OLAH: variants seen among roughly 807,000 people sequenced by gnomAD.
OLAH encodes oleoyl-ACP hydrolase, also known as S-acyl fatty acid synthase thioesterase, medium chain.
A neutral mutation model predicts 27.8 loss-of-function variants in OLAH; 33 were observed. The observed-to-expected ratio is 1.19, with a 90% confidence interval of 0.90 to 1.59. The LOEUF is 1.59. Among genes scored for constraint, OLAH ranks in the 40% most tolerant of loss-of-function variants. OLAH has a pLI of 0.00. For missense variants in OLAH, 359 were observed against 310.8 expected, an observed-to-expected ratio of 1.16 and a Z score of -1.17; for synonymous variants, 120 against 102.9, an observed-to-expected ratio of 1.17 and a Z score of -1.01.
chr10:15,041,195 T>C (rs1843913275), upstream of OLAH, among the ~76,000 whole-genome samples: 1 of 152,218 alleles, frequency 6.6e-6, no homozygotes, highest in Non-Finnish European at 1.5e-5. Context: ...ATTATCCCAT[T>C]ATCACCAGCA....
intron 4 of OLAH, among the ~76,000 whole-genome samples, chr10:15,063,724 C>T (rs548808728): frequency 3.3e-5 from 5 of 152,212 alleles, no homozygotes; most frequent in Admixed American, 6.5e-5. Context: ...ATTTTAAAGA[C>T]GTTTATTAAC....
intron 5 of OLAH, among the ~76,000 whole-genome samples, chr10:15,064,721 G>C (rs560043754): frequency 2.0e-5 from 3 of 152,158 alleles, no homozygotes; most frequent in Admixed American, 6.5e-5. Flanking sequence ...GCAGTGGCAC[G>C]ATCTTGTCTC....
At chr10:15,051,473 T>C (rs892719208) in intron 3 of OLAH, among the ~76,000 whole-genome samples, 1 of 152,244 alleles carries the variant, frequency 6.6e-6, no homozygotes, top group Non-Finnish European at 1.5e-5. Context: ...CAGGTGAGTG[T>C]TCAGCTTTAA....
intron 6 of OLAH, among the ~76,000 whole-genome samples, chr10:15,070,773 G>A (rs967097829): frequency 7.0e-6 from 1 of 142,524 alleles, no homozygotes; most frequent in African/African-American, 2.6e-5. Context: ...AAGCCACCAC[G>A]CCTGAACTTT....
intron 1 of OLAH, among the ~76,000 whole-genome samples, chr10:15,034,198 C>A (rs919380499): frequency 4.0e-5 from 6 of 151,364 alleles, no homozygotes; most frequent in African/African-American, 1.2e-4. Context: ...ACTGCAACCT[C>A]CGCCTCCCAG....
At chr10:15,035,352 T>G (rs888183412) in intron 1 of OLAH, among the ~76,000 whole-genome samples, 2 of 152,172 alleles carry the variant, frequency 1.3e-5, no homozygotes, top group East Asian at 1.9e-4. Flanking sequence ...AGAGACTTAC[T>G]GGCTCCTGGT....
chr10:15,064,072 G>A (rs1844419056), intron 4 of OLAH, among the ~76,000 whole-genome samples: 1 of 152,040 alleles, frequency 6.6e-6, no homozygotes, highest in African/African-American at 2.4e-5. Flanking sequence ...AATTTCCAGG[G>A]GTCCCTAAAC....
rs1432609847 is a variant in OLAH at position 15,049,810 on chromosome 10, T to C, written c.163+45T>C. The C allele has an allele frequency of 1.9e-6, 3 of 1,553,656 alleles. No individual in the cohort carries two copies. In the Admixed American group the frequency reaches 6.3e-5, roughly 33 times the overall value. Reference sequence around the variant, plus strand: ...CATTTAAGCAATTTAAAAGGGCAGATGACATAAATGTATTAGAATTTGAAG... The same window carrying C: ...CATTTAAGCAATTTAAAAGGGCAGACGACATAAATGTATTAGAATTTGAAG... On this transcript the variant is annotated intron_variant, in intron 3 of 7. Coordinates refer to ENST00000378228, the MANE Select transcript of OLAH (RefSeq NM_001039702.3).
chr10:15,066,636 TATTTA>T (rs1844474250), intron 6 of OLAH, among the ~76,000 whole-genome samples: 1 of 80,438 alleles, frequency 1.2e-5, no homozygotes, highest in Non-Finnish European at 2.7e-5. Flanking sequence ...TTTATTTATT[TATTTA>T]TTTATTTATT....
chr10:15,071,880 G>T lies in OLAH; in HGVS notation c.655+3G>T, dbSNP rs1288553788. ...AGACATAGCAAAGGACATGGAAGGTGAAATTATTTTTAGTCTCGAGTATTG... is the reference window on the plus strand; with the variant it reads ...AGACATAGCAAAGGACATGGAAGGTTAAATTATTTTTAGTCTCGAGTATTG... On this transcript the variant is annotated splice_donor_region_variant and intron_variant, in intron 7 of 7. Transcript: ENST00000378228. The T allele has an allele frequency of 1.2e-6, 2 of 1,605,450 alleles. No individual in the cohort carries two copies. The highest frequency in any genetic ancestry group is 1.3e-5 in the African/African-American group (1 of 74,710).
At chr10:15,038,061 G>A (rs1843869042) in intron 1 of OLAH, among the ~76,000 whole-genome samples, 1 of 152,238 alleles carries the variant, frequency 6.6e-6, no homozygotes, top group African/African-American at 2.4e-5. Context: ...CCAGATGCAA[G>A]ACATGGAATC....
chr10:15,062,611 T>A (rs1003060776), intron 4 of OLAH, among the ~76,000 whole-genome samples: 8 of 151,118 alleles, frequency 5.3e-5, no homozygotes, highest in African/African-American at 1.5e-4. Flanking sequence ...AATATATTTA[T>A]ATTATTGCCA....
intron 5 of OLAH, 139 bp downstream of exon 5, chr10:15,064,641 A>C: frequency 1.8e-6 from 1 of 562,616 alleles, no homozygotes; most frequent in East Asian, 3.3e-5. Flanking sequence ...TTGGTGCAAA[A>C]GCCATTGAGG....
intron 4 of OLAH, among the ~76,000 whole-genome samples, chr10:15,063,631 G>A (rs1303497909): frequency 6.6e-6 from 1 of 152,110 alleles, no homozygotes; most frequent in Non-Finnish European, 1.5e-5. Context: ...ATACTTTTAA[G>A]ATGCATTGAG....
At chr10:15,048,271 G>A (rs1844060061) in intron 2 of OLAH, among the ~76,000 whole-genome samples, 1 of 152,152 alleles carries the variant, frequency 6.6e-6, no homozygotes, top group African/African-American at 2.4e-5. Flanking sequence ...AGGCTGGAGA[G>A]CGGTGGTGCG....
intron 3 of OLAH, among the ~76,000 whole-genome samples, chr10:15,051,309 A>G (rs1193786495): frequency 2.0e-5 from 3 of 152,124 alleles, no homozygotes; most frequent in Non-Finnish European, 4.4e-5. Context: ...AACAATCAGA[A>G]TTCTTAACAA....
intron 3 of OLAH, among the ~76,000 whole-genome samples, chr10:15,057,744 A>G (rs565669704): frequency 6.6e-5 from 10 of 152,104 alleles, no homozygotes; most frequent in Non-Finnish European, 1.5e-4. Flanking sequence ...GAAACACAGC[A>G]TCTTCATTCT....
rs1006760571 is a variant in OLAH at position 15,045,572 on chromosome 10, G to C, written c.-163-1554G>C. On this transcript the variant is annotated intron_variant, in intron 1 of 7. Transcript: ENST00000378228. ...AAAGGCTCTAAGAAACAAACAGATG[G>C]GCTCCCCACCCTCTGTAAACTTTCT... Among the ~76,000 whole-genome samples the C allele has an allele frequency of 2.6e-5, 4 of 152,052 alleles. No homozygotes were observed. In the East Asian group the frequency reaches 7.7e-4, roughly 29 times the overall value.
intron 3 of OLAH, among the ~76,000 whole-genome samples, chr10:15,051,994 G>A (rs1243790962): frequency 6.6e-6 from 1 of 152,132 alleles, no homozygotes; most frequent in Non-Finnish European, 1.5e-5. Flanking sequence ...CAGAATATGT[G>A]GCTGCAGGCT....
Sources: allele counts gnomAD v4.1 joint callset (sites outside exome capture counted in the v4.1 genomes callset), GRCh38; gene constraint gnomAD v4.1.1; transcripts MANE v1.5; gene names NCBI Gene and HGNC (gene_info 2026-07-23, HGNC 2026-07-21).